The following BTNL9 variants were observed in gnomAD, a reference collection of about 807,000 sequenced individuals.
BTNL9 encodes butyrophilin like 9.
A neutral mutation model predicts 45.8 loss-of-function variants in BTNL9; 45 were observed. The ratio of observed to expected loss-of-function variants is 0.98; its 90% CI spans 0.77 to 1.26. The LOEUF (loss-of-function observed/expected upper bound fraction) is 1.26. Ranked by LOEUF, BTNL9 falls within the 50% of genes most tolerant of loss-of-function variation. The probability of loss-of-function intolerance (pLI) is 0.00; values close to 1 mark genes in which losing one functional copy is unlikely to be tolerated. For synonymous variants in BTNL9, 346 were observed against 330.8 expected, an observed-to-expected ratio of 1.05 and a Z score of -0.50; for missense variants, 784 against 729.7, an observed-to-expected ratio of 1.07 and a Z score of -0.86.
Position 181,045,603 on chromosome 5 carries a change from T to C in BTNL9, c.109+5T>C, listed in dbSNP as rs1237292531. The C allele has an allele frequency of 5.0e-6, 8 of 1,604,886 alleles. No individual in the cohort carries two copies. Among genetic ancestry groups the C allele is most frequent in the Non-Finnish European group, 6.8e-6 (8 of 1,172,828 alleles). The stretch of plus-strand genomic sequence containing the variant: ...AGCCTGGGGAGCCGAGCTCAGGTAT[T>C]GTGTCTGCAGCCTAGCTGGCCAGGA... On this transcript the variant is annotated splice_donor_5th_base_variant and intron_variant, in intron 2 of 10. Coordinates refer to ENST00000327705, the MANE Select transcript of BTNL9 (RefSeq NM_152547.5).
chr5:181,049,536 G>A (rs116796518), intron 3 of BTNL9, among the ~76,000 whole-genome samples: 2,024 of 152,328 alleles, frequency 0.013, 49 homozygotes, highest in African/African-American at 0.046. Context: ...TAAACTAGAA[G>A]CTGATGAGAT....
Position 181,042,319 on chromosome 5 carries a change from T to G in BTNL9, c.-24+1887T>G, listed in dbSNP as rs1760817106. 2.0e-5 allele frequency among the ~76,000 whole-genome samples: 3 copies of G among 152,172 alleles called. No individual in the cohort carries two copies. Among genetic ancestry groups the G allele is most frequent in the Non-Finnish European group, 4.4e-5 (3 of 68,032 alleles). ...GTCCTTGCGCACACTGGGTTTTCCT[T>G]CTTCCCCAAATATCCGACGCGTCCA... On this transcript the variant is annotated intron_variant, in intron 1 of 10. Coordinates refer to ENST00000327705, the MANE Select transcript of BTNL9 (RefSeq NM_152547.5). This position sits in a 1 kb window ranked among gnomAD's most constrained non-coding sequence, Gnocchi z 4.5.
rs1193740022 is a variant in BTNL9, at chr5:181,042,365, G to A, written c.-24+1933G>A. On this transcript the variant is annotated intron_variant, in intron 1 of 10. Coordinates refer to ENST00000327705, the MANE Select transcript of BTNL9 (RefSeq NM_152547.5). This position sits in a 1 kb window ranked among gnomAD's most constrained non-coding sequence, Gnocchi z 4.5. ...GTCCAGTCCCTTACTCCTTCCCCAG[G>A]CAAAACCTCCTCACCAGGAACAACC... 1.3e-5 allele frequency among the ~76,000 whole-genome samples: 2 copies of A among 152,146 alleles called. No individual in the cohort carries two copies. The highest frequency in any genetic ancestry group is 2.9e-5 in the Non-Finnish European group (2 of 68,022).
chr5:181,055,768 CA>C lies in BTNL9; in HGVS notation c.929-210del, dbSNP rs373803332. On this transcript the variant is annotated intron_variant, in intron 8 of 10. Transcript: ENST00000327705. The surrounding 1 kb of genome is among the most constrained non-coding windows in gnomAD (Gnocchi z 4.4). ...TGGGCGACAGAGCGAGACTCTGTCT[CA>C]AAAAAAAAAAGAACTATTTCTCCTC... 0.035 allele frequency: 15,328 copies of C among 438,114 alleles called. No homozygotes were observed. Among genetic ancestry groups the C allele is most frequent in the East Asian group, 0.043 (946 of 22,200 alleles). 27.1% of individuals were successfully genotyped at this position (438,114 alleles called of 1,614,324 possible).
In BTNL9 at chr5:181,045,726, C is replaced by T. The variant is rs1761079952; in HGVS notation, c.109+128C>T. 5 of 737,984 alleles carry T rather than the reference C, an allele frequency of 6.8e-6. No homozygotes were observed. The Admixed American group carries it at 1.1e-4, about 16-fold the overall frequency. 45.7% of individuals were successfully genotyped at this position (737,984 alleles called of 1,614,324 possible). On this transcript the variant is annotated intron_variant, in intron 2 of 10. Transcript: ENST00000327705. ...GCTAAAATACAAAAAAGACTTCCAT[C>T]CTGGTTGTTAAAGAGCCACTACCCC...
Position 181,053,216 on chromosome 5 carries a change from A to G in BTNL9, c.753A>G (p.Gly251=). 6.3e-7 allele frequency: 1 copy of G among 1,586,852 alleles called. No homozygotes were observed. Among genetic ancestry groups the G allele is most frequent in the Admixed American group, 1.7e-5 (1 of 58,184 alleles). Residue 251 remains glycine, a synonymous_variant, in exon 5 of 11, where the codon GGA becomes GGG. Coordinates refer to ENST00000327705, the MANE Select transcript of BTNL9 (RefSeq NM_152547.5). This position sits in a 1 kb window ranked among gnomAD's most constrained non-coding sequence, Gnocchi z 6.5. ...GTTTTCCAGACGTGTTCGTACCCGGAGCCTCTGCGTGGAAGAGCGCGTTCG... is the reference window on the plus strand; with the variant it reads ...GTTTTCCAGACGTGTTCGTACCCGGGGCCTCTGCGTGGAAGAGCGCGTTCG... ...VVQIADVFVP[G]ASAWKSAFVA...
rs1761278850 is a variant in BTNL9 at position 181,048,064 on chromosome 5, G to A, written c.247G>A (p.Val83Ile). 6.2e-7 allele frequency: 1 copy of A among 1,613,664 alleles called. No homozygotes were observed. The highest frequency in any genetic ancestry group is 8.5e-7 in the Non-Finnish European group (1 of 1,179,994). The change falls in exon 3 of 11, where the codon GTA becomes ATA. Residue 83 changes from valine (V) to isoleucine (I), a missense_variant. Val to Ile is a conservative substitution (Grantham distance 29, BLOSUM62 3). Transcript: ENST00000327705. ...RWFRSQTFNV[V>I]HLYQEQQELP... ...GTTCCGGAGTCAGACCTTCAATGTG[G>A]TACACCTGTACCAGGAGCAGCAGGA...
rs140174153 is a variant in BTNL9, at chr5:181,042,115, A to G, written c.-24+1683A>G. ...GGCAATGAGAGAGCAAGAAGAAAAG[A>G]AAAATAAAAAGAGAAGGAGAAGAAA... On this transcript the variant is annotated intron_variant, in intron 1 of 10. Transcript: ENST00000327705. This position sits in a 1 kb window ranked among gnomAD's most constrained non-coding sequence, Gnocchi z 4.5. 5.3e-5 allele frequency among the ~76,000 whole-genome samples: 8 copies of G among 152,328 alleles called. No homozygotes were observed. The highest frequency in any genetic ancestry group is 1.3e-4 in the Admixed American group (2 of 15,302).
Position 181,054,256 on chromosome 5 carries a change from C to T in BTNL9, c.904C>T (p.Leu302=). 1 of 1,609,522 alleles carries T rather than the reference C, an allele frequency of 6.2e-7. No individual in the cohort carries two copies. Among genetic ancestry groups the T allele is most frequent in the Non-Finnish European group, 8.5e-7 (1 of 1,179,334 alleles). ...EKRQEKLTAE[L]EKLQTELDWR... ...TTCTCTAGAGAAACTCACTGCAGAG[C>T]TGGGTAAGTTCTGGGTGCGGGGCCA... Residue 302 remains leucine (L), a synonymous_variant, in exon 7 of 11, where the codon CTG becomes TTG. Coordinates refer to ENST00000327705, the MANE Select transcript of BTNL9 (RefSeq NM_152547.5).
chr5:181,053,710 G>T lies in BTNL9; in HGVS notation c.886+209G>T. The T allele has an allele frequency of 3.3e-6, 5 of 1,509,780 alleles. No homozygotes were observed. Among genetic ancestry groups the T allele is most frequent in the South Asian group, 1.3e-5 (1 of 76,810 alleles). 93.5% of individuals were successfully genotyped at this position (1,509,780 alleles called of 1,614,324 possible). On this transcript the variant is annotated intron_variant, in intron 6 of 10. Transcript: ENST00000327705. This position sits in a 1 kb window ranked among gnomAD's most constrained non-coding sequence, Gnocchi z 6.5. Reference sequence around the variant, plus strand: ...GGTGCGGAACGGCTGCATTTTCCACGGAGGCTAGTGCACAGATGTCAGGGT... The same window carrying T: ...GGTGCGGAACGGCTGCATTTTCCACTGAGGCTAGTGCACAGATGTCAGGGT...
chr5:181,059,785 G>T lies in BTNL9; in HGVS notation c.1531G>T (p.Gly511Cys), dbSNP rs10068763. The T allele has an allele frequency of 2.5e-6, 4 of 1,606,302 alleles. No homozygotes were observed. Among genetic ancestry groups the T allele is most frequent in the African/African-American group, 1.3e-5 (1 of 74,970 alleles). Residue 511 changes from glycine (G) to cysteine (C), a missense_variant, in exon 11 of 11, where the codon GGC becomes TGC. Gly to Cys is a radical substitution (Grantham distance 159). Coordinates refer to ENST00000327705, the MANE Select transcript of BTNL9 (RefSeq NM_152547.5). ...TICPLPVRGT[G>C]VPEENDSDTW... The stretch of plus-strand genomic sequence containing the variant: ...CTGCCCGCTGCCGGTTAGAGGGACG[G>T]GCGTCCCCGAAGAGAACGACAGTGA...
intron 1 of BTNL9, among the ~76,000 whole-genome samples, chr5:181,043,771 T>G (rs1389373596): frequency 6.6e-6 from 1 of 152,196 alleles, no homozygotes; most frequent in Non-Finnish European, 1.5e-5. Flanking sequence ...GGTGAGAAGG[T>G]GCACAACCAG....
In BTNL9 at chr5:181,061,225, G is replaced by A. The variant is rs1303119499; in HGVS notation, c.*1363G>A. 1.3e-5 allele frequency: 2 copies of A among 152,198 alleles called. No homozygotes were observed. The highest frequency in any genetic ancestry group is 2.9e-5 in the Non-Finnish European group (2 of 68,038). The allele number at this position is 152,198 out of a possible 1,614,324, so 9.4% of individuals were successfully genotyped here. The stretch of plus-strand genomic sequence containing the variant: ...CTAAGTGGAAAAATATAAAACATAT[G>A]AATATAAAGAAAGAAAGAGACAAGT... On this transcript the variant is annotated 3_prime_UTR_variant, in exon 11 of 11. Transcript: ENST00000327705.
intron 3 of BTNL9, among the ~76,000 whole-genome samples, chr5:181,048,778 T>G (rs1561978859): frequency 2.6e-5 from 1 of 37,802 alleles, no homozygotes; most frequent in South Asian, 1.1e-3. Context: ...TAGTATGCTA[T>G]ATATTAATTA....
In BTNL9 at chr5:181,059,667, C is replaced by G; in HGVS notation, c.1413C>G (p.Ile471Met). The G allele has an allele frequency of 6.2e-7, 1 of 1,613,716 alleles. No homozygotes were observed. Among genetic ancestry groups the G allele is most frequent in the Non-Finnish European group, 8.5e-7 (1 of 1,179,962 alleles). ...TCAACGTGTCCGACGGCTCCCACAT[C>G]TTCACCTTCCACGACACCTTCTCGG... ...SFFNVSDGSH[I>M]FTFHDTFSGA... The change falls in exon 11 of 11, where the codon ATC becomes ATG. Residue 471 changes from isoleucine (I) to methionine (M), a missense_variant. By Grantham distance (10) the Ile-to-Met change is conservative (BLOSUM62 1). Coordinates refer to ENST00000327705, the MANE Select transcript of BTNL9 (RefSeq NM_152547.5).
chr5:181,059,480 GGCCTGCGC>G lies in BTNL9; in HGVS notation c.1232_1239del (p.Ala411GlufsTer95), dbSNP rs1329045994. ...TGCCTGGCCGCGGTGCCGCGCGCGG[GGCCTGCGC>G]GCCTGAGCCCTGCGGCCGGCTACTG... is the stretch of plus-strand genomic sequence containing the variant. On this transcript the variant is annotated frameshift_variant, in exon 11 of 11. Coordinates refer to ENST00000327705, the MANE Select transcript of BTNL9 (RefSeq NM_152547.5). LOFTEE classifies it low-confidence loss of function (END_TRUNC). The G allele has an allele frequency of 5.4e-6, 8 of 1,474,924 alleles. No homozygotes were observed. Among genetic ancestry groups the G allele is most frequent in the African/African-American group, 1.5e-5 (1 of 67,806 alleles). 91.4% of individuals were successfully genotyped at this position (1,474,924 alleles called of 1,614,324 possible).
chr5:181,059,101 G>T (rs1031919749), intron 10 of BTNL9, 136 bp from the exon 11 acceptor site: 40 of 1,368,808 alleles, frequency 2.9e-5, no homozygotes, highest in Non-Finnish European at 3.4e-5. Context: ...GGGGTTTGCA[G>T]GGGTGAGGGT....
chr5:181,052,608 C>G (rs906532170), intron 4 of BTNL9, among the ~76,000 whole-genome samples: 6 of 152,210 alleles, frequency 3.9e-5, no homozygotes, highest in Non-Finnish European at 8.8e-5. Context: ...TGCGAAGGGC[C>G]GGTGGGTTCT....
rs1762058500 is a variant in BTNL9 at position 181,059,509 on chromosome 5, T to C, written c.1255T>C (p.Tyr419His). 6.3e-7 allele frequency: 1 copy of C among 1,592,774 alleles called. No individual in the cohort carries two copies. Among genetic ancestry groups the C allele is most frequent in the South Asian group, 1.1e-5 (1 of 88,968 alleles). ...TGCGCGCCTGAGCCCTGCGGCCGGC[T>C]ACTGGGTGCTGGGGCTGTGGAACGG... ...GPARLSPAAG[Y>H]WVLGLWNGCE... Residue 419 changes from tyrosine to histidine, a missense_variant, in exon 11 of 11, where the codon TAC (tyrosine) becomes CAC (histidine). Tyr to His is a moderately conservative substitution (Grantham distance 83). Transcript: ENST00000327705.
Sources: allele counts gnomAD v4.1 joint callset (sites outside exome capture counted in the v4.1 genomes callset), GRCh38; gene constraint gnomAD v4.1.1; non-coding constraint Gnocchi (gnomAD v3.1); transcripts MANE v1.5; gene names NCBI Gene and HGNC (gene_info 2026-07-23, HGNC 2026-07-21).